Variants in CSMD1 observed in about 807,000 individuals in gnomAD.
CSMD1 encodes the protein CUB and sushi domain-containing protein 1.
CSMD1 carries 213 observed loss-of-function variants against 417.5 expected under a neutral mutation model. That is an observed-to-expected ratio of 0.51 (90% CI 0.46 to 0.57). The LOEUF (loss-of-function observed/expected upper bound fraction) is 0.57, where lower values mean the gene tolerates loss of function less well. Ranked by LOEUF, CSMD1 falls within the 20% of genes least tolerant of loss-of-function variation. The pLI, the probability that CSMD1 is intolerant of heterozygous loss-of-function variation, is 0.00. For missense variants in CSMD1, 6,923 were observed against 4,529.7 expected, an observed-to-expected ratio of 1.53 and a Z score of -15.17; for synonymous variants, 2,862 against 1,736.8, an observed-to-expected ratio of 1.65 and a Z score of -16.11.
In CSMD1 at chr8:4,725,573, T is replaced by C. The variant is rs556177333; in HGVS notation, c.86-88015A>G. 2.2e-4 allele frequency among the ~76,000 whole-genome samples: 34 copies of C among 152,326 alleles called. 1 individual carries two copies. Among genetic ancestry groups the C allele is most frequent in the Admixed American group, 1.8e-3 (27 of 15,290 alleles). On this transcript the variant is annotated intron_variant, in intron 1 of 69. Coordinates refer to ENST00000635120, the MANE Select transcript of CSMD1 (RefSeq NM_033225.6). Reference sequence around the variant, plus strand: ...TTTCTAGTTTTGAGACCTACGTGTATTTCAGAAGCAACATGGGGCGCGTCT... The same window carrying C: ...TTTCTAGTTTTGAGACCTACGTGTACTTCAGAAGCAACATGGGGCGCGTCT...
intron 23 of CSMD1, among the ~76,000 whole-genome samples, chr8:3,324,326 C>CCTT (rs1806369485): frequency 1.3e-5 from 2 of 151,782 alleles, no homozygotes; most frequent in African/African-American, 2.4e-5. Flanking sequence ...CTTCACCCCA[C>CCTT]TAGTCGTCAC....
intron 4 of CSMD1, among the ~76,000 whole-genome samples, chr8:4,009,266 T>G (rs899837392): frequency 6.6e-6 from 1 of 152,220 alleles, no homozygotes; most frequent in Non-Finnish European, 1.5e-5. Flanking sequence ...TTCAGACTTT[T>G]TAAAAAAGTG....
chr8:3,627,148 C>G lies in CSMD1; in HGVS notation c.1010-10351G>C, dbSNP rs543850821. 2.6e-5 allele frequency among the ~76,000 whole-genome samples: 4 copies of G among 152,188 alleles called. No homozygotes were observed. In the South Asian group the frequency reaches 8.3e-4, roughly 32 times the overall value. On this transcript the variant is annotated intron_variant, in intron 7 of 69. Coordinates refer to ENST00000635120, the MANE Select transcript of CSMD1 (RefSeq NM_033225.6). ...GATGTAGTCACTCAAAAATTTAATT[C>G]TCTTAGAATATGTGCAGTGCAATTT... is the stretch of plus-strand genomic sequence containing the variant.
intron 26 of CSMD1, among the ~76,000 whole-genome samples, chr8:3,243,485 G>T (rs1380864396): frequency 6.9e-6 from 1 of 143,890 alleles, no homozygotes; most frequent in Non-Finnish European, 1.5e-5. Context: ...TTTTCTGGGG[G>T]GCAGGTGTGG....
At chr8:3,588,863 A>T (rs1387509549) in intron 8 of CSMD1, among the ~76,000 whole-genome samples, 1 of 152,142 alleles carries the variant, frequency 6.6e-6, no homozygotes, top group African/African-American at 2.4e-5. Flanking sequence ...AAATACAAAG[A>T]ACTCAAACAA....
chr8:4,345,051 G>C (rs1021823223), intron 3 of CSMD1, among the ~76,000 whole-genome samples: 1 of 152,106 alleles, frequency 6.6e-6, no homozygotes, highest in South Asian at 2.1e-4. Context: ...TCAGAATTCT[G>C]TGATTAAGTC....
chr8:3,571,339 A>T (rs1294530296), intron 10 of CSMD1, among the ~76,000 whole-genome samples: 1 of 152,172 alleles, frequency 6.6e-6, no homozygotes, highest in Non-Finnish European at 1.5e-5. Flanking sequence ...GCCTAATAGC[A>T]TACACATCTC....
chr8:3,613,377 A>G (rs1458199612), intron 8 of CSMD1: 3 of 278,334 alleles, frequency 1.1e-5, no homozygotes, highest in Non-Finnish European at 2.2e-5. Context: ...CTTCTATGGT[A>G]TTCCAGAGAA....
At chr8:3,296,277 T>C (rs1803956914) in intron 25 of CSMD1, among the ~76,000 whole-genome samples, 1 of 151,196 alleles carries the variant, frequency 6.6e-6, no homozygotes, top group African/African-American at 2.4e-5. Flanking sequence ...ACGTAAGAAT[T>C]CAGCCAAGCA....
At chr8:3,314,044 C>G (rs1160988636) in intron 23 of CSMD1, among the ~76,000 whole-genome samples, 2 of 152,002 alleles carry the variant, frequency 1.3e-5, no homozygotes, top group East Asian at 1.9e-4. Context: ...ACCTCATGTT[C>G]TCACTCATAG....
At chr8:4,972,569 T>A (rs2117388898) in intron 1 of CSMD1, among the ~76,000 whole-genome samples, 1 of 152,274 alleles carries the variant, frequency 6.6e-6, no homozygotes, top group Non-Finnish European at 1.5e-5. Flanking sequence ...GTGAGTCAAT[T>A]AAATATCTTT....
chr8:4,350,421 T>C (rs1801024446), intron 3 of CSMD1, among the ~76,000 whole-genome samples: 1 of 152,226 alleles, frequency 6.6e-6, no homozygotes, highest in African/African-American at 2.4e-5. Context: ...TGATTTACTA[T>C]ATCTCATCAA....
At chr8:4,102,102 C>T (rs1276390342) in intron 3 of CSMD1, among the ~76,000 whole-genome samples, 1 of 152,134 alleles carries the variant, frequency 6.6e-6, no homozygotes, top group Non-Finnish European at 1.5e-5. Flanking sequence ...AAGTAATGCT[C>T]ATTGAAACAA....
chr8:4,413,536 T>C (rs114810348), intron 3 of CSMD1, among the ~76,000 whole-genome samples: 4,308 of 152,276 alleles, frequency 0.028, 100 homozygotes, highest in African/African-American at 0.066. Context: ...AGTGTTCATG[T>C]ACTGACAGCA....
chr8:4,631,507 C>G (rs1018694878), intron 2 of CSMD1, among the ~76,000 whole-genome samples: 3 of 151,350 alleles, frequency 2.0e-5, no homozygotes, highest in African/African-American at 7.3e-5. Context: ...GGTCTCTAGT[C>G]TAATATGATC....
intron 1 of CSMD1, among the ~76,000 whole-genome samples, chr8:4,791,136 T>C (rs1195022427): frequency 6.7e-6 from 1 of 148,360 alleles, no homozygotes; most frequent in Non-Finnish European, 1.5e-5. Flanking sequence ...GAGAAACTTT[T>C]AAGTGAGACA....
rs750477489 is a variant in CSMD1 at position 3,230,091 on chromosome 8, C to T, written c.4294G>A (p.Val1432Met). 3 of 1,613,310 alleles carry T rather than the reference C, an allele frequency of 1.9e-6. No individual in the cohort carries two copies. Among genetic ancestry groups the T allele is most frequent in the African/African-American group, 2.7e-5 (2 of 75,014 alleles). Residue 1432 changes from valine to methionine, a missense_variant, in exon 27 of 70, where the codon GTG becomes ATG. Val to Met is a conservative substitution (Grantham distance 21). Coordinates refer to ENST00000635120, the MANE Select transcript of CSMD1 (RefSeq NM_033225.6). ...QLQGQAKITC[V>M]QLNNRFFWQP... ...CAAAAGAACCGGTTATTCAGCTGCA[C>T]ACAGGTGATTTTGGCTTGTCCTTGG...
At chr8:4,497,974 G>A (rs908076521) in intron 2 of CSMD1, among the ~76,000 whole-genome samples, 13 of 152,134 alleles carry the variant, frequency 8.5e-5, no homozygotes, top group South Asian at 4.1e-4. Context: ...CAACAGGAGC[G>A]ACGTCTGCGT....
At chr8:3,813,127 T>A (rs1389458169) in intron 5 of CSMD1, among the ~76,000 whole-genome samples, 1 of 151,236 alleles carries the variant, frequency 6.6e-6, no homozygotes, top group Non-Finnish European at 1.5e-5. Flanking sequence ...ATGAAGACTT[T>A]CACATATGTT....
Sources: gnomAD v4.1 joint callset for allele counts (sites outside exome capture counted in the v4.1 genomes callset) on GRCh38, gnomAD v4.1.1 for gene constraint, MANE v1.5 for transcripts, NCBI Gene and HGNC (gene_info 2026-07-23, HGNC 2026-07-21) for gene names.